Variants in KDM4E observed in about 807,000 individuals in gnomAD.
The protein encoded by KDM4E is lysine-specific demethylase 4E.
For synonymous variants in KDM4E, 229 were observed against 232.9 expected, an observed-to-expected ratio of 0.98 and a Z score of 0.15; for missense variants, 576 against 642.6, an observed-to-expected ratio of 0.90 and a Z score of 1.12.
Position 95,026,649 on chromosome 11 carries a change from T to A in KDM4E, c.1092T>A (p.Leu364=), listed in dbSNP as rs1555102972. Residue 364 remains leucine (L), a synonymous_variant, in exon 1 of 1, where the codon CTT becomes CTA. Transcript: ENST00000450979. ...GCAACTGGAGAGATGATATAGTACT[T>A]AGAAGAGCTGCTCTGGGCCTGAGGC... ...ELSNWRDDIV[L]RRAALGLRLL... The A allele has an allele frequency of 6.5e-7, 1 of 1,537,210 alleles. No homozygotes were observed. The highest frequency in any genetic ancestry group is 2.4e-5 in the East Asian group (1 of 40,906).
In KDM4E at chr11:95,025,633, G is replaced by T; in HGVS notation, c.76G>T (p.Ala26Ser). Residue 26 changes from alanine to serine, a missense_variant, in exon 1 of 1, where the codon GCA (alanine) becomes TCA (serine). Coordinates refer to ENST00000450979, the MANE Select transcript of KDM4E (RefSeq NM_001161630.1). ...GTTTTACCCAACCATGGAAGAATTT[G>T]CAGATTTCAACACATATGTTGCTTA... ...MTFYPTMEEFADFNTYVAYME... is the reference protein window; with the variant it reads ...MTFYPTMEEFSDFNTYVAYME... 1 of 1,538,056 alleles carries T rather than the reference G, an allele frequency of 6.5e-7. No homozygotes were observed. The highest frequency in any genetic ancestry group is 2.0e-5 in the Admixed American group (1 of 51,148).
Position 95,026,795 on chromosome 11 carries a change from A to T in KDM4E, c.1238A>T (p.His413Leu). 6.5e-7 allele frequency: 1 copy of T among 1,537,186 alleles called. No homozygotes were observed. Among genetic ancestry groups the T allele is most frequent in the Non-Finnish European group, 8.7e-7 (1 of 1,146,890 alleles). The change falls in exon 1 of 1, where the codon CAT (histidine) becomes CTT (leucine). Residue 413 changes from histidine to leucine, a missense_variant. His to Leu is a moderately conservative substitution (Grantham distance 99). Coordinates refer to ENST00000450979, the MANE Select transcript of KDM4E (RefSeq NM_001161630.1). The stretch of plus-strand genomic sequence containing the variant: ...TCCGCATTCCAAAGCTCTGCATATC[A>T]TACCCAGACCCAGTCACTTACCCTG... ...PGSAFQSSAY[H>L]TQTQSLTLGM...
In KDM4E at chr11:95,026,392, G is replaced by A; in HGVS notation, c.835G>A (p.Gly279Ser). The change falls in exon 1 of 1, where the codon GGC becomes AGC. Residue 279 changes from glycine (G) to serine (S), a missense_variant. Transcript: ENST00000450979. ...MVTFPYGYHAGFNHGFNCAEA... is the reference protein window; with the variant it reads ...MVTFPYGYHASFNHGFNCAEA... ...GACCTTTCCCTATGGCTACCATGCTGGCTTCAATCACGGCTTCAACTGCGC... is the reference window on the plus strand; with the variant it reads ...GACCTTTCCCTATGGCTACCATGCTAGCTTCAATCACGGCTTCAACTGCGC... 1 of 1,613,940 alleles carries A rather than the reference G, an allele frequency of 6.2e-7. No homozygotes were observed. The highest frequency in any genetic ancestry group is 8.5e-7 in the Non-Finnish European group (1 of 1,180,024).
rs782525858 is a variant in KDM4E at position 95,025,883 on chromosome 11, C to T, written c.326C>T (p.Thr109Ile). The part of the protein sequence containing the change: ...RRLANSKKYQ[T>I]PPHQNFADLE... ...TTGGCAAACAGTAAAAAATATCAGA[C>T]TCCGCCACACCAGAATTTTGCAGAT... is the stretch of plus-strand genomic sequence containing the variant. The change falls in exon 1 of 1, where the codon ACT (threonine) becomes ATT (isoleucine). Residue 109 changes from threonine (T) to isoleucine (I), a missense_variant. Thr to Ile is a moderately conservative substitution (Grantham distance 89, BLOSUM62 -1). Coordinates refer to ENST00000450979, the MANE Select transcript of KDM4E (RefSeq NM_001161630.1). 22 of 1,590,450 alleles carry T rather than the reference C, an allele frequency of 1.4e-5. No homozygotes were observed. The highest frequency in any genetic ancestry group is 1.7e-5 in the Non-Finnish European group (20 of 1,173,966).
At position 95,026,928 on chromosome 11, in the gene KDM4E, T is replaced by C. The variant is rs1233491098; in HGVS notation, c.1371T>C (p.His457=). Residue 457 remains histidine (H), a synonymous_variant, in exon 1 of 1, where the codon CAT becomes CAC. Coordinates refer to ENST00000450979, the MANE Select transcript of KDM4E (RefSeq NM_001161630.1). ...GAGGTTGCAGTCGTGGTCGTGGTCATGGTTGTTGTACTCGAGAACTGGGGA... is the reference window on the plus strand; with the variant it reads ...GAGGTTGCAGTCGTGGTCGTGGTCACGGTTGTTGTACTCGAGAACTGGGGA... ...QGRGCSRGRG[H]GCCTRELGTE... 2.0e-6 allele frequency: 3 copies of C among 1,537,212 alleles called. No individual in the cohort carries two copies. The highest frequency in any genetic ancestry group is 2.7e-5 in the African/African-American group (2 of 73,154).
chr11:95,026,348 A>AGGCT lies in KDM4E; in HGVS notation c.794_797dup (p.Glu267TrpfsTer26). Reference sequence around the variant, plus strand: ...ATTCCCTTCAATTGCATGACTCAGGAGGCTGGGGAGTTCATGGTGACCTTT... The same window carrying AGGCT: ...ATTCCCTTCAATTGCATGACTCAGGAGGCTGGCTGGGGAGTTCATGGTGACCTTT... On this transcript the variant is annotated frameshift_variant, in exon 1 of 1. Transcript: ENST00000450979. LOFTEE classifies it low-confidence loss of function (END_TRUNC). 1 of 1,614,050 alleles carries AGGCT rather than the reference A, an allele frequency of 6.2e-7. No homozygotes were observed. Among genetic ancestry groups the AGGCT allele is most frequent in the South Asian group, 1.1e-5 (1 of 91,072 alleles).
chr11:95,026,007 C>T lies in KDM4E; in HGVS notation c.450C>T (p.Asn150=), dbSNP rs1490891891. Reference sequence around the variant, plus strand: ...TTGAAGAAAGCACTAAACAATGGAACCTAGGACACCTGGGAACAATTCTGG... The same window carrying T: ...TTGAAGAAAGCACTAAACAATGGAATCTAGGACACCTGGGAACAATTCTGG... ...SLFEESTKQW[N]LGHLGTILDL... The change falls in exon 1 of 1, where the codon AAC becomes AAT. Residue 150 remains asparagine, a synonymous_variant. Transcript: ENST00000450979. 2 of 1,607,384 alleles carry T rather than the reference C, an allele frequency of 1.2e-6. No individual in the cohort carries two copies. The highest frequency in any genetic ancestry group is 2.7e-5 in the African/African-American group (2 of 74,706).
At position 95,025,444 on chromosome 11, in the gene KDM4E, A is replaced by G. The variant is rs1054242909; in HGVS notation, c.-114A>G. On this transcript the variant is annotated 5_prime_UTR_variant, in exon 1 of 1. Transcript: ENST00000450979. ...CCAAGTGTGAATTACTGTCTCACAG[A>G]TAAACCAAAGTATTTTGAAAAACAA... The G allele has an allele frequency of 6.3e-6, 9 of 1,425,878 alleles. No individual in the cohort carries two copies. Among genetic ancestry groups the G allele is most frequent in the Admixed American group, 2.9e-5 (1 of 35,020 alleles). 88.3% of individuals were successfully genotyped at this position (1,425,878 alleles called of 1,614,324 possible). A position where few individuals can be genotyped will look rare whatever the true frequency, so the allele number is the denominator to read the frequency against.
Position 95,026,935 on chromosome 11 carries a change from T to G in KDM4E, c.1378T>G (p.Cys460Gly). ...GCSRGRGHGCCTRELGTEEPT... is the reference protein window; with the variant it reads ...GCSRGRGHGCGTRELGTEEPT... ...CAGTCGTGGTCGTGGTCATGGTTGT[T>G]GTACTCGAGAACTGGGGACTGAGGA... The change falls in exon 1 of 1, where the codon TGT (cysteine) becomes GGT (glycine). Residue 460 changes from cysteine (C) to glycine (G), a missense_variant. Cys to Gly is a radical substitution (Grantham distance 159, BLOSUM62 -3). Coordinates refer to ENST00000450979, the MANE Select transcript of KDM4E (RefSeq NM_001161630.1). The G allele has an allele frequency of 6.5e-7, 1 of 1,537,196 alleles. No individual in the cohort carries two copies. The highest frequency in any genetic ancestry group is 8.7e-7 in the Non-Finnish European group (1 of 1,146,882).
Position 95,026,941 on chromosome 11 carries a change from CGA to C in KDM4E, c.1387_1388del (p.Glu463ThrfsTer4). Reference sequence around the variant, plus strand: ...TGGTCGTGGTCATGGTTGTTGTACTCGAGAACTGGGGACTGAGGAGCCAACTG... The same window carrying C: ...TGGTCGTGGTCATGGTTGTTGTACTCGAACTGGGGACTGAGGAGCCAACTG... ...SRGRGHGCCT[R>X]ELGTEEPTVQ... On this transcript the variant is annotated frameshift_variant, in exon 1 of 1. Coordinates refer to ENST00000450979, the MANE Select transcript of KDM4E (RefSeq NM_001161630.1). LOFTEE classifies it low-confidence loss of function (END_TRUNC). 1 of 1,537,146 alleles carries C rather than the reference CGA, an allele frequency of 6.5e-7. No individual in the cohort carries two copies. The highest frequency in any genetic ancestry group is 1.7e-4 in the Middle Eastern group (1 of 5,990).
Position 95,026,218 on chromosome 11 carries a change from G to T in KDM4E, c.661G>T (p.Glu221Ter), listed in dbSNP as rs781854720. ...GCCCCCAGAACATGGTCAGCACCTG[G>T]AACGCCTGGCCAGGGAGCTCTTCCC... The part of the protein sequence containing the change: ...VVPPEHGQHL[E>*]RLARELFPDI... Residue 221 changes from glutamate (E) to a stop codon, truncating the protein, a stop_gained, in exon 1 of 1, where the codon GAA (glutamate) becomes TAA (stop). Transcript: ENST00000450979. LOFTEE classifies it low-confidence loss of function (END_TRUNC). 6.2e-7 allele frequency: 1 copy of T among 1,614,070 alleles called. No individual in the cohort carries two copies. Among genetic ancestry groups the T allele is most frequent in the South Asian group, 1.1e-5 (1 of 91,064 alleles).
Position 95,025,488 on chromosome 11 carries a change from C to T in KDM4E, c.-70C>T. The T allele has an allele frequency of 2.1e-6, 3 of 1,444,554 alleles. No homozygotes were observed. Among genetic ancestry groups the T allele is most frequent in the Middle Eastern group, 1.8e-4 (1 of 5,528 alleles). 89.5% of individuals were successfully genotyped at this position (1,444,554 alleles called of 1,614,324 possible). On this transcript the variant is annotated 5_prime_UTR_variant, in exon 1 of 1. Coordinates refer to ENST00000450979, the MANE Select transcript of KDM4E (RefSeq NM_001161630.1). Reference sequence around the variant, plus strand: ...AAAACAAAGGGGAGAAAAGAAATTACTCCCCAGAACTCTCAGGCATCTAGA... The same window carrying T: ...AAAACAAAGGGGAGAAAAGAAATTATTCCCCAGAACTCTCAGGCATCTAGA...
chr11:95,026,929 G>A lies in KDM4E; in HGVS notation c.1372G>A (p.Gly458Ser), dbSNP rs1333229763. ...GRGCSRGRGH[G>S]CCTRELGTEE... ...AGGTTGCAGTCGTGGTCGTGGTCAT[G>A]GTTGTTGTACTCGAGAACTGGGGAC... Residue 458 changes from glycine to serine, a missense_variant, in exon 1 of 1, where the codon GGT (glycine) becomes AGT (serine). Transcript: ENST00000450979. 2.0e-6 allele frequency: 3 copies of A among 1,537,110 alleles called. No individual in the cohort carries two copies. The highest frequency in any genetic ancestry group is 2.7e-5 in the African/African-American group (2 of 73,030).
rs1555102875 is a variant in KDM4E, at chr11:95,026,481, C to A, written c.924C>A (p.Ser308Arg). The change falls in exon 1 of 1, where the codon AGC becomes AGA. Residue 308 changes from serine to arginine, a missense_variant. Transcript: ENST00000450979. ...IDYGKMASQC[S>R]CGESTVTFSM... ...ATGGCAAAATGGCCTCTCAGTGTAG[C>A]TGTGGGGAGTCGACAGTGACCTTTT... 6.2e-7 allele frequency: 1 copy of A among 1,604,380 alleles called. No individual in the cohort carries two copies. Among genetic ancestry groups the A allele is most frequent in the Non-Finnish European group, 8.5e-7 (1 of 1,179,046 alleles).
At position 95,025,527 on chromosome 11, in the gene KDM4E, C is replaced by G. The variant is rs1163770155; in HGVS notation, c.-31C>G. On this transcript the variant is annotated 5_prime_UTR_variant, in exon 1 of 1. Coordinates refer to ENST00000450979, the MANE Select transcript of KDM4E (RefSeq NM_001161630.1). The stretch of plus-strand genomic sequence containing the variant: ...CAGGCATCTAGAGGACACCCAAGAA[C>G]GTGGGAGTCAGCTGCTTCTTGTGTG... 6.6e-7 allele frequency: 1 copy of G among 1,507,062 alleles called. No homozygotes were observed. Among genetic ancestry groups the G allele is most frequent in the African/African-American group, 1.4e-5 (1 of 72,232 alleles). The allele number at this position is 1,507,062 out of a possible 1,614,324, so 93.4% of individuals were successfully genotyped here.
At position 95,026,813 on chromosome 11, in the gene KDM4E, T is replaced by TTACCC; in HGVS notation, c.1258_1262dup (p.Gly422ProfsTer61). 1.3e-6 allele frequency: 2 copies of TTACCC among 1,537,216 alleles called. No individual in the cohort carries two copies. The highest frequency in any genetic ancestry group is 1.7e-6 in the Non-Finnish European group (2 of 1,146,882). ...GCATATCATACCCAGACCCAGTCAC[T>TTACCC]TACCCTGGGGATGTCAGCCAGGGTT... On this transcript the variant is annotated frameshift_variant, in exon 1 of 1. Transcript: ENST00000450979. LOFTEE classifies it low-confidence loss of function (END_TRUNC).
At position 95,026,443 on chromosome 11, in the gene KDM4E, C is replaced by T. The variant is rs782730805; in HGVS notation, c.886C>T (p.Arg296Ter). The T allele has an allele frequency of 5.0e-6, 8 of 1,611,266 alleles. 1 individual carries two copies. Among genetic ancestry groups the T allele is most frequent in the Admixed American group, 3.3e-5 (2 of 59,990 alleles). ...AGAAGCCATTAATTTTGCCACTCCA[C>T]GATGGATTGATTATGGCAAAATGGC... ...CAEAINFATP[R>*]WIDYGKMASQ... Residue 296 changes from arginine (R) to a stop codon, truncating the protein, a stop_gained, in exon 1 of 1, where the codon CGA becomes TGA. Coordinates refer to ENST00000450979, the MANE Select transcript of KDM4E (RefSeq NM_001161630.1). LOFTEE classifies it low-confidence loss of function (END_TRUNC).
chr11:95,025,881 G>C lies in KDM4E; in HGVS notation c.324G>C (p.Gln108His), dbSNP rs1555102663. ...GCTTGGCAAACAGTAAAAAATATCA[G>C]ACTCCGCCACACCAGAATTTTGCAG... ...YRRLANSKKY[Q>H]TPPHQNFADL... Residue 108 changes from glutamine to histidine, a missense_variant, in exon 1 of 1, where the codon CAG (glutamine) becomes CAC (histidine). Gln to His is a conservative substitution (Grantham distance 24). Transcript: ENST00000450979. 4 of 1,591,508 alleles carry C rather than the reference G, an allele frequency of 2.5e-6. No individual in the cohort carries two copies. The Admixed American group carries it at 5.1e-5, about 20-fold the overall frequency.
chr11:95,027,068 T>A lies in KDM4E; in HGVS notation c.1511T>A (p.Leu504Gln). The A allele has an allele frequency of 2.0e-6, 3 of 1,536,814 alleles. No homozygotes were observed. The highest frequency in any genetic ancestry group is 2.6e-6 in the Non-Finnish European group (3 of 1,146,608). ...LPLANDLMTN[L>Q]SL The stretch of plus-strand genomic sequence containing the variant: ...CTTGCCAATGATTTGATGACAAATC[T>A]GTCCCTTTGAGTGGTGGCCTTCAGC... Residue 504 changes from leucine (L) to glutamine (Q), a missense_variant, in exon 1 of 1, where the codon CTG becomes CAG. Physicochemically the swap from Leu to Gln is moderately radical, Grantham distance 113. Coordinates refer to ENST00000450979, the MANE Select transcript of KDM4E (RefSeq NM_001161630.1).
Sources: gnomAD v4.1 joint callset for allele counts on GRCh38, gnomAD v4.1.1 for gene constraint, MANE v1.5 for transcripts, NCBI Gene and HGNC (gene_info 2026-07-23, HGNC 2026-07-21) for gene names.